CDH13: variants seen among roughly 807,000 people sequenced by gnomAD.
CDH13 encodes cadherin 13.
CDH13 carries 24 observed loss-of-function variants against 63.8 expected under a neutral mutation model. That is an observed-to-expected ratio of 0.38 (90% CI 0.27 to 0.53). CDH13 has a LOEUF of 0.53. Ranked by LOEUF, CDH13 falls within the 20% of genes least tolerant of loss-of-function variation. The pLI, the probability that CDH13 is intolerant of heterozygous loss-of-function variation, is 0.85. For synonymous variants in CDH13, 503 were observed against 355.3 expected (o/e 1.42, Z -4.67); for missense variants, 1,049 against 903.1 (o/e 1.16, Z -2.07).
intron 2 of CDH13, among the ~76,000 whole-genome samples, chr16:82,934,552 A>T (rs1285692170): frequency 6.6e-6 from 1 of 152,220 alleles, no homozygotes. Flanking sequence ...AAATTTCTGC[A>T]GCAGGCTTGA....
At chr16:83,202,424 T>C (rs1483111413) in intron 4 of CDH13, among the ~76,000 whole-genome samples, 1 of 152,064 alleles carries the variant, frequency 6.6e-6, no homozygotes, top group Non-Finnish European at 1.5e-5. Flanking sequence ...TGGGGGGCCC[T>C]GGAAAGATTT....
At chr16:83,335,592 A>C (rs998721604) in intron 5 of CDH13, among the ~76,000 whole-genome samples, 1 of 152,102 alleles carries the variant, frequency 6.6e-6, no homozygotes, top group East Asian at 1.9e-4. Context: ...AAAAGTAAAA[A>C]CTAAAAGGCA....
intron 7 of CDH13, among the ~76,000 whole-genome samples, chr16:83,497,648 AC>A (rs1231709720): frequency 6.6e-6 from 1 of 151,662 alleles, no homozygotes; most frequent in Non-Finnish European, 1.5e-5. Context: ...GTACCCTAAA[AC>A]TTTAATAAAA....
chr16:83,188,698 T>G (rs2038603424), intron 4 of CDH13, among the ~76,000 whole-genome samples: 1 of 152,252 alleles, frequency 6.6e-6, no homozygotes, highest in Admixed American at 6.5e-5. Flanking sequence ...TATTATTAAG[T>G]TTCCTATAAA....
chr16:83,040,519 G>T (rs9922948), intron 3 of CDH13, among the ~76,000 whole-genome samples: 1 of 152,160 alleles, frequency 6.6e-6, no homozygotes, highest in Non-Finnish European at 1.5e-5. Context: ...GGAGTGTGAT[G>T]TTCGAGGCCA....
At chr16:83,010,523 G>A (rs963356664) in intron 2 of CDH13, among the ~76,000 whole-genome samples, 8 of 151,978 alleles carry the variant, frequency 5.3e-5, no homozygotes, top group African/African-American at 1.9e-4. Context: ...TAATGAAGAG[G>A]AACCCCACTC....
chr16:83,184,910 T>TGC (rs144402928), intron 4 of CDH13, among the ~76,000 whole-genome samples: 1,903 of 136,072 alleles, frequency 0.014, 62 homozygotes, highest in South Asian at 0.11. Context: ...TGTGTGTGCG[T>TGC]GTGTGTGTGT....
intron 1 of CDH13, among the ~76,000 whole-genome samples, chr16:82,811,746 G>T (rs2037455561): frequency 6.6e-6 from 1 of 152,104 alleles, no homozygotes. Context: ...AATTGGAAAT[G>T]GTTAGTAGAT....
chr16:82,816,934 G>T (rs1351897359), intron 1 of CDH13, among the ~76,000 whole-genome samples: 1 of 151,926 alleles, frequency 6.6e-6, no homozygotes, highest in Non-Finnish European at 1.5e-5. Context: ...TTCAGGAGCG[G>T]ACAGAAAACA....
intron 6 of CDH13, among the ~76,000 whole-genome samples, chr16:83,364,042 G>A (rs1332709422): frequency 6.6e-6 from 1 of 152,080 alleles, no homozygotes; most frequent in Non-Finnish European, 1.5e-5. Context: ...AGCTTTCTCT[G>A]AAAAGCCGAT....
chr16:83,214,366 G>A (rs11645255), intron 4 of CDH13, among the ~76,000 whole-genome samples: 130,409 of 151,792 alleles, frequency 0.86, 58,211 homozygotes, highest in Non-Finnish European at 0.97. Context: ...GATCACATCA[G>A]GTAAGGAGTT....
chr16:83,654,810 T>G (rs1912713010), intron 8 of CDH13: 1 of 152,196 alleles, frequency 6.6e-6, no homozygotes, highest in South Asian at 2.1e-4. Flanking sequence ...GATCCCTGCA[T>G]GATTTCCCAC....
chr16:82,730,620 T>C, intron 1 of CDH13, among the ~76,000 whole-genome samples: 1 of 152,202 alleles, frequency 6.6e-6, no homozygotes, highest in East Asian at 1.9e-4. Context: ...AAGACCAAAA[T>C]GTGACACAGA....
chr16:82,888,664 A>G (rs150014744), intron 2 of CDH13, among the ~76,000 whole-genome samples: 1 of 152,208 alleles, frequency 6.6e-6, no homozygotes, highest in Non-Finnish European at 1.5e-5. Flanking sequence ...GATGCTTAGC[A>G]TATGTGAAAC....
At chr16:82,973,417 C>T (rs1359323028) in intron 2 of CDH13, among the ~76,000 whole-genome samples, 1 of 152,288 alleles carries the variant, frequency 6.6e-6, no homozygotes, top group Middle Eastern at 3.4e-3. Flanking sequence ...ATGAGACACC[C>T]GCTCCAGATG....
At chr16:83,633,680 A>G (rs1910982786) in intron 8 of CDH13, among the ~76,000 whole-genome samples, 1 of 152,158 alleles carries the variant, frequency 6.6e-6, no homozygotes, top group Non-Finnish European at 1.5e-5. Context: ...AGGAAGACGC[A>G]CACTGGCTTT....
intron 4 of CDH13, among the ~76,000 whole-genome samples, chr16:83,135,903 A>C (rs147717171): frequency 2.0e-5 from 3 of 152,320 alleles, no homozygotes; most frequent in East Asian, 3.9e-4. Flanking sequence ...CTATTATTCT[A>C]AGTGAAGTAA....
chr16:83,270,871 C>G (rs551793382), intron 5 of CDH13, among the ~76,000 whole-genome samples: 1 of 151,364 alleles, frequency 6.6e-6, no homozygotes, highest in East Asian at 1.9e-4. Context: ...CTCTTCTTTC[C>G]TGCCTTCCCT....
chr16:83,711,175 G>T (rs1278019329), intron 10 of CDH13, among the ~76,000 whole-genome samples: 1 of 152,198 alleles, frequency 6.6e-6, no homozygotes, highest in Non-Finnish European at 1.5e-5. Flanking sequence ...CAGATGCAGG[G>T]AGATTTTGAA....
Sources: gnomAD v4.1 joint callset for allele counts (sites outside exome capture counted in the v4.1 genomes callset) on GRCh38, gnomAD v4.1.1 for gene constraint, MANE v1.5 for transcripts, NCBI Gene and HGNC (gene_info 2026-07-23, HGNC 2026-07-21) for gene names.